The following NEK6 variants were observed in gnomAD, a reference collection of about 807,000 sequenced individuals.
NEK6 encodes serine/threonine-protein kinase Nek6.
A neutral mutation model predicts 43.5 loss-of-function variants in NEK6; 27 were observed. The ratio of observed to expected loss-of-function variants is 0.62; its 90% confidence interval spans 0.46 to 0.86. The LOEUF is 0.86. Ranked by LOEUF, NEK6 falls within the 40% of genes least tolerant of loss-of-function variation. The pLI, the probability that NEK6 is intolerant of heterozygous loss-of-function variation, is 0.00. For missense variants in NEK6, 318 were observed against 414.4 expected, an observed-to-expected ratio of 0.77 and a Z score of 2.02; for synonymous variants, 167 against 164.1, an observed-to-expected ratio of 1.02 and a Z score of -0.14.
At chr9:124,303,397 T>G (rs1198201170) in intron 2 of NEK6, among the ~76,000 whole-genome samples, 1 of 152,194 alleles carries the variant, frequency 6.6e-6, no homozygotes, top group Non-Finnish European at 1.5e-5. Flanking sequence ...CATGTACAGT[T>G]GTACAGGTTA....
chr9:124,305,895 AATGT>A (rs1260588748), intron 2 of NEK6, among the ~76,000 whole-genome samples: 10 of 152,330 alleles, frequency 6.6e-5, no homozygotes. Context: ...AAGGTAAAAG[AATGT>A]ATGGTGTTTA....
intron 9 of NEK6, 64 bp from the exon 10 acceptor site, chr9:124,350,771 CTG>C (rs1830226818): frequency 5.4e-6 from 6 of 1,111,736 alleles, no homozygotes; most frequent in Middle Eastern, 2.0e-4. Flanking sequence ...TGCAGACAGA[CTG>C]TGGAGTGCGG....
At position 124,339,551 on chromosome 9, in the gene NEK6, C is replaced by A. The variant is rs769271234; in HGVS notation, c.623-20C>A. ...GCCCTACATGGAGCATAAGCAGCCC[C>A]GCCCCTTGCTGTGTTGCAGTGGGGA... is the stretch of plus-strand genomic sequence containing the variant. On this transcript the variant is annotated intron_variant, in intron 7 of 9. Transcript: ENST00000320246. 2 of 1,580,928 alleles carry A rather than the reference C, an allele frequency of 1.3e-6. No homozygotes were observed. The highest frequency in any genetic ancestry group is 1.7e-6 in the Non-Finnish European group (2 of 1,149,930).
chr9:124,305,631 G>GT (rs1441063932), intron 2 of NEK6, among the ~76,000 whole-genome samples: 12 of 151,976 alleles, frequency 7.9e-5, no homozygotes, highest in Non-Finnish European at 1.5e-4. Flanking sequence ...TTTTTTTGGG[G>GT]TTTTTTTCCT....
intron 1 of NEK6, among the ~76,000 whole-genome samples, chr9:124,291,562 G>T (rs1832420730): frequency 6.6e-6 from 1 of 152,186 alleles, no homozygotes; most frequent in African/African-American, 2.4e-5. Flanking sequence ...GGAGGCGGAG[G>T]TTGCGGTGAG....
chr9:124,331,280 A>AAC (rs1564653741), intron 7 of NEK6, among the ~76,000 whole-genome samples: 1 of 150,246 alleles, frequency 6.7e-6, no homozygotes, highest in Non-Finnish European at 1.5e-5. Context: ...AAAACAAAAC[A>AAC]TTTTGCTCAT....
At chr9:124,341,624 G>A (rs1829636802) in intron 8 of NEK6, among the ~76,000 whole-genome samples, 1 of 152,164 alleles carries the variant, frequency 6.6e-6, no homozygotes, top group African/African-American at 2.4e-5. Flanking sequence ...AGTGGATGGG[G>A]AAGGGGCCTG....
rs144607746 is a variant in NEK6, at chr9:124,287,526, C to T, written c.-29-14410C>T. On this transcript the variant is annotated intron_variant, in intron 1 of 9. Coordinates refer to ENST00000320246, the MANE Select transcript of NEK6 (RefSeq NM_014397.6). The stretch of plus-strand genomic sequence containing the variant: ...GTGTGGACAAAAGTCACTCTGTAGA[C>T]CATCAAGAACTGACCAGGCCAGATG... Among the ~76,000 whole-genome samples the T allele has an allele frequency of 4.5e-4, 68 of 152,318 alleles. 1 individual carries two copies. Among genetic ancestry groups the T allele is most frequent in the African/African-American group, 1.5e-3 (63 of 41,570 alleles).
At chr9:124,329,622 G>A (rs1673065046) in intron 7 of NEK6, among the ~76,000 whole-genome samples, 1 of 152,244 alleles carries the variant, frequency 6.6e-6, no homozygotes, top group African/African-American at 2.4e-5. Context: ...CGGCATCCAG[G>A]AGAGATGCCC....
intron 1 of NEK6, among the ~76,000 whole-genome samples, chr9:124,295,810 G>A (rs1402413118): frequency 1.3e-5 from 2 of 152,200 alleles, no homozygotes; most frequent in East Asian, 1.9e-4. Flanking sequence ...CTTGCGCTGA[G>A]TTTCTTTCTG....
At chr9:124,312,046 G>A (rs374590418) in intron 2 of NEK6, among the ~76,000 whole-genome samples, 4 of 152,336 alleles carry the variant, frequency 2.6e-5, no homozygotes, top group South Asian at 2.1e-4. Context: ...GCCCCAGGAA[G>A]GGAACTTGCC....
intron 1 of NEK6, among the ~76,000 whole-genome samples, chr9:124,264,573 G>A (rs1181290245): frequency 6.6e-6 from 1 of 152,124 alleles, no homozygotes; most frequent in Non-Finnish European, 1.5e-5. Context: ...GAGAGGCCGA[G>A]GCGGGCAGAT....
In NEK6 at chr9:124,352,334, C is replaced by T. The variant is rs935040408; in HGVS notation, c.*1387C>T. ...CGTGGACTCGGATCTGCTGTGACAC[C>T]GTCAGCCCGACAGTCTCTCCATATG... On this transcript the variant is annotated 3_prime_UTR_variant, in exon 10 of 10. Coordinates refer to ENST00000320246, the MANE Select transcript of NEK6 (RefSeq NM_014397.6). The T allele has an allele frequency of 6.6e-6, 1 of 152,218 alleles. No homozygotes were observed. The highest frequency in any genetic ancestry group is 1.9e-4 in the East Asian group (1 of 5,200). The allele number at this position is 152,218 out of a possible 1,614,324, so 9.4% of individuals were successfully genotyped here.
At chr9:124,339,846 G>A (rs1829502360) in intron 8 of NEK6, among the ~76,000 whole-genome samples, 181 bp downstream of exon 8, 1 of 152,292 alleles carries the variant, frequency 6.6e-6, no homozygotes, top group South Asian at 2.1e-4. Flanking sequence ...GGCCTGGTCT[G>A]CAGGGCCAGG....
At chr9:124,293,669 C>T (rs979450533) in intron 1 of NEK6, among the ~76,000 whole-genome samples, 3 of 152,174 alleles carry the variant, frequency 2.0e-5, no homozygotes, top group Non-Finnish European at 4.4e-5. Flanking sequence ...GCAGAGGTTT[C>T]TTGGGGTTGC....
At chr9:124,267,809 G>A (rs945021239) in intron 1 of NEK6, among the ~76,000 whole-genome samples, 3 of 152,214 alleles carry the variant, frequency 2.0e-5, no homozygotes, top group Non-Finnish European at 2.9e-5. Context: ...TCCCTGCCCC[G>A]TCTTCCTGGG....
rs1830874466 is a variant in NEK6 at position 124,258,008 on chromosome 9, G to C, written c.-107G>C. 1.0e-6 allele frequency: 1 copy of C among 978,926 alleles called. No individual in the cohort carries two copies. Among genetic ancestry groups the C allele is most frequent in the African/African-American group, 1.8e-5 (1 of 56,466 alleles). 60.6% of individuals were successfully genotyped at this position (978,926 alleles called of 1,614,324 possible). On this transcript the variant is annotated 5_prime_UTR_variant, in exon 1 of 10. Coordinates refer to ENST00000320246, the MANE Select transcript of NEK6 (RefSeq NM_014397.6). ...CGTGCGGCCGCTGCGCCGCAAACTC[G>C]TGTGGGACGCACCGCTCCAGCCGCC...
intron 4 of NEK6, among the ~76,000 whole-genome samples, chr9:124,314,523 C>T (rs1012162976): frequency 6.6e-6 from 1 of 151,040 alleles, no homozygotes; most frequent in African/African-American, 2.4e-5. Flanking sequence ...TAGAGGCAAA[C>T]TCTGTTGCCT....
At chr9:124,332,711 C>T (rs1829070633) in intron 7 of NEK6, among the ~76,000 whole-genome samples, 1 of 152,182 alleles carries the variant, frequency 6.6e-6, no homozygotes, top group Non-Finnish European at 1.5e-5. Flanking sequence ...GAGAGCATTT[C>T]AAAACACGGC....
Sources: gnomAD v4.1 joint callset for allele counts (sites outside exome capture counted in the v4.1 genomes callset) on GRCh38, gnomAD v4.1.1 for gene constraint, MANE v1.5 for transcripts, NCBI Gene and HGNC (gene_info 2026-07-23, HGNC 2026-07-21) for gene names.